Variants in CACNG4 observed in about 807,000 individuals in gnomAD.
CACNG4 encodes the protein voltage-dependent calcium channel gamma-4 subunit.
CACNG4 carries 8 observed loss-of-function variants against 22.9 expected under a neutral mutation model. The observed-to-expected ratio is 0.35, with a 90% CI of 0.21 to 0.63. The LOEUF (loss-of-function observed/expected upper bound fraction) is 0.63, where lower values mean the gene tolerates loss of function less well. Among genes scored for constraint, CACNG4 ranks in the 30% least tolerant of loss-of-function variants. CACNG4 has a pLI of 0.72. For missense variants in CACNG4, 357 were observed against 455.4 expected (o/e 0.78, Z 1.97); for synonymous variants, 188 against 191.9 (o/e 0.98, Z 0.17).
chr17:66,994,088 T>C (rs922982642), intron 1 of CACNG4, among the ~76,000 whole-genome samples: 1 of 151,984 alleles, frequency 6.6e-6, no homozygotes, highest in Non-Finnish European at 1.5e-5. Flanking sequence ...TTCAGCACTT[T>C]GGGAGGCCGA....
At chr17:66,986,774 A>G (rs1008768624) in intron 1 of CACNG4, among the ~76,000 whole-genome samples, 5 of 152,166 alleles carry the variant, frequency 3.3e-5, no homozygotes, top group Non-Finnish European at 7.3e-5. Context: ...TTCTCTTCAC[A>G]TGGCGTTTTC....
intron 1 of CACNG4, among the ~76,000 whole-genome samples, chr17:66,991,337 C>CAA (rs113874912): frequency 3.3e-5 from 5 of 150,494 alleles, no homozygotes; most frequent in East Asian, 3.9e-4. Context: ...AACAAACAAA[C>CAA]AAAAAAAAAC....
intron 1 of CACNG4, among the ~76,000 whole-genome samples, chr17:67,004,166 C>G (rs1282633290): frequency 6.6e-6 from 1 of 152,186 alleles, no homozygotes; most frequent in Non-Finnish European, 1.5e-5. Context: ...AACAACAACC[C>G]TTAGTACTGA....
In CACNG4 at chr17:67,030,184, T is replaced by C. The variant is rs1473466286; in HGVS notation, c.446-282T>C. ...GTGTGTGTGTGTGTGAAGAGAGAAA[T>C]TTTTTTTCTGGAAGGACATACGAAA... On this transcript the variant is annotated intron_variant, in intron 3 of 3. Coordinates refer to ENST00000262138, the MANE Select transcript of CACNG4 (RefSeq NM_014405.4). The surrounding 1 kb of genome is among the most constrained non-coding windows in gnomAD (Gnocchi z 6.4). Among the ~76,000 whole-genome samples the C allele has an allele frequency of 6.6e-6, 1 of 151,242 alleles. No individual in the cohort carries two copies. The highest frequency in any genetic ancestry group is 1.5e-5 in the Non-Finnish European group (1 of 67,980).
intron 1 of CACNG4, among the ~76,000 whole-genome samples, chr17:66,971,593 G>T (rs867534404): frequency 6.6e-6 from 1 of 152,226 alleles, no homozygotes; most frequent in Non-Finnish European, 1.5e-5. Context: ...CAGAGCAGGG[G>T]GCGTGTGGGG....
chr17:66,980,387 G>A (rs1394898790), intron 1 of CACNG4, among the ~76,000 whole-genome samples: 2 of 152,160 alleles, frequency 1.3e-5, no homozygotes, highest in Non-Finnish European at 2.9e-5. Flanking sequence ...TGTGTCGTGA[G>A]AGGCCCCTCA....
intron 2 of CACNG4, among the ~76,000 whole-genome samples, chr17:67,022,151 C>T (rs545760898): frequency 9.9e-5 from 15 of 151,598 alleles, no homozygotes; most frequent in Non-Finnish European, 2.1e-4. Context: ...TCTTGGCTCA[C>T]TGTAACCTCT....
At chr17:67,022,810 T>C (rs758285) in intron 2 of CACNG4, among the ~76,000 whole-genome samples, 62,514 of 152,146 alleles carry the variant, frequency 0.41, 13,146 homozygotes, top group South Asian at 0.61. Flanking sequence ...TCCCAAGCCT[T>C]GCTTCCCTCC....
intron 1 of CACNG4, among the ~76,000 whole-genome samples, chr17:67,014,222 G>A (rs1419171943): frequency 6.6e-6 from 1 of 152,164 alleles, no homozygotes; most frequent in African/African-American, 2.4e-5. Context: ...ACAGCAAATG[G>A]CCCATGTATG....
intron 1 of CACNG4, among the ~76,000 whole-genome samples, chr17:66,977,957 G>T (rs754247688): frequency 2.6e-5 from 4 of 152,154 alleles, no homozygotes; most frequent in Non-Finnish European, 4.4e-5. Flanking sequence ...AGACGTTAGG[G>T]GCTCCTCCCG....
chr17:66,965,057 A>T lies in CACNG4; in HGVS notation c.146A>T (p.Asp49Val). 6.3e-7 allele frequency: 1 copy of T among 1,594,728 alleles called. No homozygotes were observed. The highest frequency in any genetic ancestry group is 8.5e-7 in the Non-Finnish European group (1 of 1,171,720). Residue 49 changes from aspartate (D) to valine (V), a missense_variant, in exon 1 of 4, where the codon GAC (aspartate) becomes GTC (valine). By Grantham distance (152) the Asp-to-Val change is radical (BLOSUM62 -3). Transcript: ENST00000262138. The stretch of plus-strand genomic sequence containing the variant: ...TGCAACGGCACCAACCTGACCATGG[A>T]CGACGGGCCCCCGCCCCGCCGCGCC... The part of the protein sequence containing the change: ...HICNGTNLTM[D>V]DGPPPRRARG...
At chr17:67,006,267 G>A (rs567741344) in intron 1 of CACNG4, among the ~76,000 whole-genome samples, 1 of 152,318 alleles carries the variant, frequency 6.6e-6, no homozygotes, top group East Asian at 1.9e-4. Flanking sequence ...TAGCAGCCAG[G>A]CTGGGGACAG....
At chr17:67,026,510 T>C (rs1038799261) in intron 3 of CACNG4, among the ~76,000 whole-genome samples, 29 of 117,048 alleles carry the variant, frequency 2.5e-4, no homozygotes, top group African/African-American at 1.2e-3. Flanking sequence ...GTGGTGTATG[T>C]GTGTGTATTT....
rs770189249 is a variant in CACNG4 at position 67,031,727 on chromosome 17, C to T, written c.*723C>T. ...TCCTCTTTGCTTCTGGAAGTTTCTG[C>T]CTCACTCAGAATGGGCAGGACAGAC... On this transcript the variant is annotated 3_prime_UTR_variant, in exon 4 of 4. Transcript: ENST00000262138. This position sits in a 1 kb window ranked among gnomAD's most constrained non-coding sequence, Gnocchi z 4.0. The T allele has an allele frequency of 4.4e-6, 2 of 456,606 alleles. No homozygotes were observed. Among genetic ancestry groups the T allele is most frequent in the African/African-American group, 4.0e-5 (2 of 50,054 alleles). The allele number at this position is 456,606 out of a possible 1,614,324, so 28.3% of individuals were successfully genotyped here.
chr17:67,029,649 C>CAAAT lies in CACNG4; in HGVS notation c.446-814_446-813insTAAA, dbSNP rs1340111460. On this transcript the variant is annotated intron_variant, in intron 3 of 3. Transcript: ENST00000262138. Reference sequence around the variant, plus strand: ...ACTCTGGCTCCAAAAAACAAACAAACAAACAAACAAAAACAAACAAATCCA... The same window carrying CAAAT: ...ACTCTGGCTCCAAAAAACAAACAAACAAATAAACAAACAAAAACAAACAAATCCA... 2.3e-3 allele frequency among the ~76,000 whole-genome samples: 345 copies of CAAAT among 152,018 alleles called. 3 individuals carry two copies. Among genetic ancestry groups the CAAAT allele is most frequent in the African/African-American group, 8.2e-3 (340 of 41,480 alleles).
chr17:66,976,271 C>G (rs999736385), intron 1 of CACNG4, among the ~76,000 whole-genome samples: 1 of 152,128 alleles, frequency 6.6e-6, no homozygotes, highest in Non-Finnish European at 1.5e-5. Flanking sequence ...CCTAGAGCCT[C>G]GGTTTGCTCG....
At chr17:66,991,592 A>G (rs7220723) in intron 1 of CACNG4, among the ~76,000 whole-genome samples, 3,379 of 152,174 alleles carry the variant, frequency 0.022, 87 homozygotes, top group Middle Eastern at 0.065. Flanking sequence ...CCCTACTCAC[A>G]TGGGTAAGGA....
chr17:67,003,935 G>A (rs768955630), intron 1 of CACNG4, among the ~76,000 whole-genome samples: 1 of 152,130 alleles, frequency 6.6e-6, no homozygotes, highest in Non-Finnish European at 1.5e-5. Context: ...ATGATCCCAA[G>A]GGTCCCTTCT....
intron 3 of CACNG4, among the ~76,000 whole-genome samples, chr17:67,029,975 C>T (rs1451774169): frequency 6.6e-6 from 1 of 152,206 alleles, no homozygotes; most frequent in Non-Finnish European, 1.5e-5. Context: ...GCAGGGAGCA[C>T]CCAGACATCT....
Sources: gnomAD v4.1 joint callset for allele counts (sites outside exome capture counted in the v4.1 genomes callset) on GRCh38, gnomAD v4.1.1 for gene constraint, Gnocchi (gnomAD v3.1) non-coding constraint, MANE v1.5 for transcripts, NCBI Gene and HGNC (gene_info 2026-07-23, HGNC 2026-07-21) for gene names.